Variants in USP34 observed in about 807,000 individuals in gnomAD.
The protein encoded by USP34 is ubiquitin specific peptidase 34.
A neutral mutation model predicts 460.3 loss-of-function variants in USP34; 70 were observed. The ratio of observed to expected loss-of-function variants is 0.15; its 90% confidence interval spans 0.13 to 0.19. The LOEUF (loss-of-function observed/expected upper bound fraction) is 0.19. Among genes scored for constraint, USP34 ranks in the 10% least tolerant of loss-of-function variants. The pLI, the probability that USP34 is intolerant of heterozygous loss-of-function variation, is 1.00. For synonymous variants in USP34, 1,647 were observed against 1,405.3 expected (o/e 1.17, Z -3.85); for missense variants, 3,985 against 4,236.2 (o/e 0.94, Z 1.65).
At chr2:61,199,242 A>AT (rs996824069) in intron 75 of USP34, among the ~76,000 whole-genome samples, 13 of 150,194 alleles carry the variant, frequency 8.7e-5, no homozygotes, top group African/African-American at 2.7e-4. Flanking sequence ...TATTTCAATG[A>AT]TTTTTTTCAC....
chr2:61,311,558 G>C lies in USP34; in HGVS notation c.3799C>G (p.Arg1267Gly). Residue 1267 changes from arginine (R) to glycine (G), a missense_variant, in exon 27 of 80, where the codon CGA becomes GGA. Around this residue, in one of 14 missense-constraint regions of USP34, gnomAD observed 1,114 missense variants for 1,122.5 expected, o/e 0.99. Coordinates refer to ENST00000398571, the MANE Select transcript of USP34 (RefSeq NM_014709.4). ...AQLQEFGQSNRKGEFPGGLMG... is the reference protein window; with the variant it reads ...AQLQEFGQSNGKGEFPGGLMG... The stretch of plus-strand genomic sequence containing the variant: ...GGCTTACCAGGAAACTCTCCTTTTC[G>C]GTTGCTTTGACCAAACTCCTGAAGC... 1.9e-6 allele frequency: 3 copies of C among 1,598,282 alleles called. No individual in the cohort carries two copies. Among genetic ancestry groups the C allele is most frequent in the Non-Finnish European group, 2.6e-6 (3 of 1,174,138 alleles).
Position 61,349,303 on chromosome 2 carries a change from A to G in USP34, c.1508-18T>C. 1 of 1,612,388 alleles carries G rather than the reference A, an allele frequency of 6.2e-7. No homozygotes were observed. Among genetic ancestry groups the G allele is most frequent in the Non-Finnish European group, 8.5e-7 (1 of 1,179,326 alleles). On this transcript the variant is annotated intron_variant, in intron 12 of 79. Coordinates refer to ENST00000398571, the MANE Select transcript of USP34 (RefSeq NM_014709.4). Reference sequence around the variant, plus strand: ...TTCTTCCTCTGAAGGAAAAGGAAAAAACAGGAGAAAAACATTCTAAGTGAC... The same window carrying G: ...TTCTTCCTCTGAAGGAAAAGGAAAAGACAGGAGAAAAACATTCTAAGTGAC...
At chr2:61,260,613 AG>A (rs1688851020) in intron 43 of USP34, among the ~76,000 whole-genome samples, 1 of 152,232 alleles carries the variant, frequency 6.6e-6, no homozygotes, top group Non-Finnish European at 1.5e-5. Flanking sequence ...AGATCTGTTC[AG>A]CATATAATTA....
rs1693600163 is a variant in USP34 at position 61,398,316 on chromosome 2, A to AT, written c.553-3084dup. On this transcript the variant is annotated intron_variant, in intron 3 of 79. Transcript: ENST00000398571. The stretch of plus-strand genomic sequence containing the variant: ...TGGGAGGTCTAGGCTGCAATGAGCC[A>AT]TGTTCATGCCACTGCACTCGATCAT... 2.6e-5 allele frequency among the ~76,000 whole-genome samples: 4 copies of AT among 151,990 alleles called. No homozygotes were observed. In the South Asian group the frequency reaches 8.3e-4, roughly 32 times the overall value.
chr2:61,390,166 C>T (rs537381601), intron 5 of USP34, among the ~76,000 whole-genome samples: 30 of 152,164 alleles, frequency 2.0e-4, no homozygotes, highest in Non-Finnish European at 4.0e-4. Flanking sequence ...GTGTGAAGTT[C>T]TTTTTATTAA....
At chr2:61,329,587 G>A (rs1019259345) in intron 20 of USP34, among the ~76,000 whole-genome samples, 1 of 152,110 alleles carries the variant, frequency 6.6e-6, no homozygotes, top group Non-Finnish European at 1.5e-5. Context: ...AACTGGAAAG[G>A]TTGAGTTGAG....
At chr2:61,197,030 T>C (rs1407232478) in intron 75 of USP34, among the ~76,000 whole-genome samples, 2 of 152,176 alleles carry the variant, frequency 1.3e-5, no homozygotes, top group Non-Finnish European at 2.9e-5. Flanking sequence ...ATCCCAGGAC[T>C]TCGGGAGGCC....
At chr2:61,305,285 T>C (rs1408571124) in intron 27 of USP34, among the ~76,000 whole-genome samples, 1 of 151,436 alleles carries the variant, frequency 6.6e-6, no homozygotes, top group East Asian at 1.9e-4. Context: ...ATTACGCCAC[T>C]GCACTCCAGC....
chr2:61,378,304 A>G, intron 8 of USP34, 59 bp downstream of exon 8: 1 of 1,260,724 alleles, frequency 7.9e-7, no homozygotes, highest in Non-Finnish European at 1.1e-6. Flanking sequence ...AGAATTTACC[A>G]TATAAACAAC....
At chr2:61,462,210 G>C (rs1695621226) in intron 1 of USP34, among the ~76,000 whole-genome samples, 1 of 150,200 alleles carries the variant, frequency 6.7e-6, no homozygotes, top group African/African-American at 2.5e-5. Flanking sequence ...TCGCACTCCA[G>C]CCTGGGGCAA....
At chr2:61,256,985 G>A (rs1253917217) in intron 46 of USP34, 35 bp from the exon 47 acceptor site, 2 of 1,423,294 alleles carry the variant, frequency 1.4e-6, no homozygotes, top group East Asian at 2.6e-5. Context: ...ATAAAAACTA[G>A]TAAATTATAA....
At chr2:61,272,744 C>T (rs1296920004) in intron 41 of USP34, among the ~76,000 whole-genome samples, 1 of 152,122 alleles carries the variant, frequency 6.6e-6, no homozygotes, top group African/African-American at 2.4e-5. Flanking sequence ...TATAATTTGA[C>T]ATGAACATGA....
chr2:61,204,817 TA>T (rs1687070811), intron 72 of USP34, among the ~76,000 whole-genome samples: 1 of 152,200 alleles, frequency 6.6e-6, no homozygotes, highest in Non-Finnish European at 1.5e-5. Context: ...AACAAAAGAT[TA>T]AAACACTATT....
At chr2:61,422,471 G>A (rs577698082) in intron 1 of USP34, among the ~76,000 whole-genome samples, 12 of 152,196 alleles carry the variant, frequency 7.9e-5, no homozygotes, top group Non-Finnish European at 1.5e-4. Context: ...AAAGGCAAGT[G>A]AAGGACATTT....
intron 27 of USP34, among the ~76,000 whole-genome samples, chr2:61,309,647 T>A (rs139792004): frequency 2.0e-3 from 304 of 152,326 alleles, no homozygotes; most frequent in Non-Finnish European, 3.4e-3. Context: ...TCCTACTGCT[T>A]GAATCAGTAG....
chr2:61,238,709 AG>A (rs1394434505), intron 53 of USP34, among the ~76,000 whole-genome samples: 1 of 152,232 alleles, frequency 6.6e-6, no homozygotes, highest in Non-Finnish European at 1.5e-5. Flanking sequence ...ATTTAAAAAT[AG>A]TAAGCTGGAA....
chr2:61,317,357 T>TAA (rs1690781228), intron 23 of USP34, among the ~76,000 whole-genome samples: 1 of 152,064 alleles, frequency 6.6e-6, no homozygotes, highest in Non-Finnish European at 1.5e-5. Context: ...TAAAACCCTG[T>TAA]CTCTACCAAA....
intron 43 of USP34, among the ~76,000 whole-genome samples, chr2:61,262,136 T>TATAG (rs1481737673): frequency 4.8e-5 from 6 of 124,280 alleles, no homozygotes; most frequent in African/African-American, 1.9e-4. Flanking sequence ...TATATATAGA[T>TATAG]AGATAGATAG....
chr2:61,262,085 C>G (rs1177025803), intron 43 of USP34, among the ~76,000 whole-genome samples: 1 of 26,386 alleles, frequency 3.8e-5, no homozygotes, highest in Admixed American at 5.7e-4. Context: ...AGCAAGACTT[C>G]GTCAAAAAAA....
Sources: gnomAD v4.1 joint callset for allele counts (sites outside exome capture counted in the v4.1 genomes callset) on GRCh38, gnomAD v4.1.1 for gene constraint, gnomAD v4.1.1 regional missense constraint, MANE v1.5 for transcripts, NCBI Gene and HGNC (gene_info 2026-07-23, HGNC 2026-07-21) for gene names.